Variants in TGFBR3 observed in about 807,000 individuals in gnomAD.
TGFBR3 encodes the protein transforming growth factor beta receptor type 3.
Under a neutral mutation model 87.9 loss-of-function variants are expected in TGFBR3, and 46 were observed. The ratio of observed to expected loss-of-function variants is 0.52; its 90% CI spans 0.41 to 0.67. TGFBR3 has a LOEUF of 0.67. Among genes scored for constraint, TGFBR3 ranks in the 30% least tolerant of loss-of-function variants. The pLI is 0.00. For missense variants in TGFBR3, 866 were observed against 1,041.9 expected (o/e 0.83, Z 2.32); for synonymous variants, 381 against 391.6 (o/e 0.97, Z 0.32).
intron 2 of TGFBR3, among the ~76,000 whole-genome samples, chr1:91,849,899 G>A (rs1383522185): frequency 2.0e-5 from 3 of 151,814 alleles, no homozygotes; most frequent in Non-Finnish European, 4.4e-5. Context: ...TGGCTAACAC[G>A]GTGAAACCCC....
chr1:91,777,587 C>T (rs1674610690), intron 3 of TGFBR3, among the ~76,000 whole-genome samples: 2 of 113,646 alleles, frequency 1.8e-5, no homozygotes, highest in African/African-American at 6.4e-5. Flanking sequence ...CCAGCCCCAA[C>T]CCCAGCTCTA....
intron 2 of TGFBR3, among the ~76,000 whole-genome samples, chr1:91,891,295 C>T (rs532145679): frequency 3.5e-3 from 536 of 151,264 alleles, no homozygotes; most frequent in Non-Finnish European, 6.3e-3. Context: ...CCCAGGATTT[C>T]GAGACCAGCC....
chr1:91,849,975 G>A (rs995634485), intron 2 of TGFBR3, among the ~76,000 whole-genome samples: 7 of 151,352 alleles, frequency 4.6e-5, no homozygotes, highest in East Asian at 1.9e-4. Context: ...CCAGCTACTC[G>A]GGAGGCTGAG....
At chr1:91,718,162 G>A (rs1163382139) in intron 10 of TGFBR3, among the ~76,000 whole-genome samples, 1 of 152,108 alleles carries the variant, frequency 6.6e-6, no homozygotes, top group Non-Finnish European at 1.5e-5. Context: ...AGTCGTCCTG[G>A]CTCTGCCATT....
intron 8 of TGFBR3, among the ~76,000 whole-genome samples, chr1:91,721,016 C>G (rs1382137186): frequency 1.3e-5 from 2 of 152,234 alleles, no homozygotes; most frequent in Non-Finnish European, 2.9e-5. Context: ...TGTCGTATTT[C>G]TAACAACTAA....
At chr1:91,769,754 C>A (rs1468776559) in intron 3 of TGFBR3, among the ~76,000 whole-genome samples, 1 of 151,988 alleles carries the variant, frequency 6.6e-6, no homozygotes, top group Admixed American at 6.6e-5. Context: ...TCGGTGAAGA[C>A]CTCCACCAGA....
intron 1 of TGFBR3, among the ~76,000 whole-genome samples, chr1:91,905,455 A>G (rs1356851018): frequency 6.6e-6 from 1 of 152,044 alleles, no homozygotes; most frequent in East Asian, 1.9e-4. Context: ...TTTTTGAGGT[A>G]AGAGTCTCAC....
chr1:91,859,700 G>T (rs1678099715), intron 2 of TGFBR3, among the ~76,000 whole-genome samples: 3 of 151,932 alleles, frequency 2.0e-5, no homozygotes, highest in Admixed American at 6.6e-5. Context: ...CTGAGGCCAG[G>T]AGATCGAGAC....
rs527570860 is a variant in TGFBR3, at chr1:91,847,331, C to T, written c.61+14140G>A. ...TATAAGAATAAAGTAGGGCCGGGCG[C>T]GGTGGCTCATGCCTGTAATCCCAGC... On this transcript the variant is annotated intron_variant, in intron 2 of 16. Coordinates refer to ENST00000212355, the MANE Select transcript of TGFBR3 (RefSeq NM_003243.5). Among the ~76,000 whole-genome samples the T allele has an allele frequency of 1.4e-4, 21 of 152,108 alleles. 1 individual carries two copies. In the South Asian group the frequency reaches 3.3e-3, roughly 24 times the overall value.
At position 91,772,593 on chromosome 1, in the gene TGFBR3, T is replaced by C. The variant is rs17880546; in HGVS notation, c.247-13843A>G. Among the ~76,000 whole-genome samples, 489 of 152,328 alleles carry C rather than the reference T, an allele frequency of 3.2e-3. 2 individuals are homozygous for C. The highest frequency in any genetic ancestry group is 0.01 in the Admixed American group (154 of 15,304). ...GAGCATTTCTATAAGGAACAACTTA[T>C]AGGGCCTGGTAATTCTGGTCCTGGT... On this transcript the variant is annotated intron_variant, in intron 3 of 16. Transcript: ENST00000212355.
At chr1:91,792,463 T>C (rs1675230834) in intron 3 of TGFBR3, among the ~76,000 whole-genome samples, 1 of 152,214 alleles carries the variant, frequency 6.6e-6, no homozygotes, top group African/African-American at 2.4e-5. Flanking sequence ...TAAATGTCCA[T>C]ATCTTTTCTA....
At chr1:91,753,697 C>A (rs929772868) in intron 4 of TGFBR3, among the ~76,000 whole-genome samples, 1 of 152,202 alleles carries the variant, frequency 6.6e-6, no homozygotes, top group African/African-American at 2.4e-5. Flanking sequence ...AAATTGGAAT[C>A]ATACAACTTG....
At chr1:91,884,003 G>A (rs1679195723) in intron 1 of TGFBR3, among the ~76,000 whole-genome samples, 2 of 152,230 alleles carry the variant, frequency 1.3e-5, no homozygotes, top group South Asian at 4.2e-4. Context: ...AATGTCTGGA[G>A]AATTAATAAA....
At chr1:91,905,436 G>A (rs1319535617) in intron 1 of TGFBR3, among the ~76,000 whole-genome samples, 1 of 151,988 alleles carries the variant, frequency 6.6e-6, no homozygotes, top group Non-Finnish European at 1.5e-5. Context: ...TTTTGTTTTT[G>A]TTTTTGTTTT....
At chr1:91,687,160 C>A (rs1314692644) in intron 16 of TGFBR3, among the ~76,000 whole-genome samples, 2 of 152,080 alleles carry the variant, frequency 1.3e-5, no homozygotes, top group African/African-American at 4.8e-5. Context: ...GCCAGAGATG[C>A]CTCAAGAAAT....
chr1:91,787,943 G>GGAAAAAAAAAAAAAAA lies in TGFBR3; in HGVS notation c.246+9343_246+9344insTTTTTTTTTTTTTTTC, dbSNP rs945269870. Among the ~76,000 whole-genome samples the GGAAAAAAAAAAAAAAA allele has an allele frequency of 3.8e-4, 51 of 133,298 alleles. 2 individuals carry two copies. Among genetic ancestry groups the GGAAAAAAAAAAAAAAA allele is most frequent in the Middle Eastern group, 8.1e-3 (2 of 246 alleles). 87.4% of individuals were successfully genotyped at this position (133,298 alleles called of 152,430 possible). A position where few individuals can be genotyped will look rare whatever the true frequency, so the allele number is the denominator to read the frequency against. On this transcript the variant is annotated intron_variant, in intron 3 of 16. Transcript: ENST00000212355. ...ACAGAGCCAGACCCTGTCTCACGGG[G>GGAAAAAAAAAAAAAAA]AAAAAAAAAAAAACCCCAAGAAGAA...
intron 1 of TGFBR3, among the ~76,000 whole-genome samples, chr1:91,871,280 T>C (rs1678574662): frequency 6.6e-6 from 1 of 152,212 alleles, no homozygotes. Context: ...GGTAGTCTGA[T>C]GAGATCTGGC....
intron 4 of TGFBR3, among the ~76,000 whole-genome samples, chr1:91,748,355 G>C (rs891676372): frequency 2.6e-5 from 4 of 152,220 alleles, no homozygotes; most frequent in African/African-American, 9.6e-5. Flanking sequence ...GTTCAGGATA[G>C]ATGTAGATAT....
At chr1:91,807,733 G>A (rs1330770895) in intron 2 of TGFBR3, among the ~76,000 whole-genome samples, 1 of 152,176 alleles carries the variant, frequency 6.6e-6, no homozygotes, top group Non-Finnish European at 1.5e-5. Flanking sequence ...TGGTTTTTAT[G>A]ACCTGAAGTG....
Sources: allele counts gnomAD v4.1 joint callset (sites outside exome capture counted in the v4.1 genomes callset), GRCh38; gene constraint gnomAD v4.1.1; transcripts MANE v1.5; gene names NCBI Gene and HGNC (gene_info 2026-07-23, HGNC 2026-07-21).